CTNNA3: variants seen among roughly 807,000 people sequenced by gnomAD.
CTNNA3 encodes catenin alpha 3, also known as catenin alpha-3.
Under a neutral mutation model 95.7 loss-of-function variants are expected in CTNNA3, and 76 were observed. The ratio of observed to expected loss-of-function variants is 0.79; its 90% CI spans 0.66 to 0.96. CTNNA3 has a LOEUF of 0.96. CTNNA3 is among the 40% of genes least tolerant of loss of function. The pLI, the probability that CTNNA3 is intolerant of heterozygous loss-of-function variation, is 0.00. For synonymous variants in CTNNA3, 431 were observed against 374.4 expected (o/e 1.15, Z -1.74); for missense variants, 1,191 against 1,089.8 (o/e 1.09, Z -1.31).
At chr10:67,671,658 T>C (rs61869467) in intron 1 of CTNNA3, among the ~76,000 whole-genome samples, 1 of 151,710 alleles carries the variant, frequency 6.6e-6, no homozygotes, top group African/African-American at 2.4e-5. Flanking sequence ...TGGTTTCCAG[T>C]TTCATCCATG....
At chr10:66,539,858 A>G (rs1841787048) in intron 10 of CTNNA3, among the ~76,000 whole-genome samples, 1 of 152,160 alleles carries the variant, frequency 6.6e-6, no homozygotes, top group Non-Finnish European at 1.5e-5. Context: ...TGCATTATAG[A>G]AGAACCCCAG....
At chr10:67,421,330 C>T (rs572874120) in intron 5 of CTNNA3, among the ~76,000 whole-genome samples, 1 of 152,290 alleles carries the variant, frequency 6.6e-6, no homozygotes, top group Non-Finnish European at 1.5e-5. Context: ...GATTATAATT[C>T]CATGGATAAC....
intron 1 of CTNNA3, among the ~76,000 whole-genome samples, chr10:67,710,460 GA>G (rs1841101234): frequency 6.6e-6 from 1 of 152,162 alleles, no homozygotes; most frequent in Non-Finnish European, 1.5e-5. Flanking sequence ...ATGTGAGCTA[GA>G]AACCCAGGAT....
intron 11 of CTNNA3, among the ~76,000 whole-genome samples, chr10:66,389,064 T>C (rs1318223677): frequency 6.6e-6 from 1 of 152,154 alleles, no homozygotes; most frequent in Non-Finnish European, 1.5e-5. Context: ...TATGCCTAGC[T>C]ACACAGCCTT....
chr10:66,060,091 T>C (rs7099996), intron 15 of CTNNA3, among the ~76,000 whole-genome samples: 44,502 of 151,828 alleles, frequency 0.29, 7,027 homozygotes, highest in South Asian at 0.43. Context: ...TAGGTGATCA[T>C]AGAAGATATA....
intron 12 of CTNNA3, among the ~76,000 whole-genome samples, chr10:66,353,946 A>C (rs1242428594): frequency 6.6e-6 from 1 of 152,114 alleles, no homozygotes; most frequent in East Asian, 1.9e-4. Context: ...ATAGTGAGGA[A>C]AAATAATCAT....
intron 7 of CTNNA3, among the ~76,000 whole-genome samples, chr10:66,961,244 C>T (rs969331606): frequency 6.6e-6 from 1 of 151,982 alleles, no homozygotes; most frequent in African/African-American, 2.4e-5. Flanking sequence ...AGTCTCTGAT[C>T]TCCAGTTCAT....
chr10:66,907,390 C>T (rs1363833459), intron 7 of CTNNA3, among the ~76,000 whole-genome samples: 2 of 152,092 alleles, frequency 1.3e-5, no homozygotes, highest in African/African-American at 2.4e-5. Context: ...TAACTTTTCA[C>T]TTGAGCCTCT....
At position 67,750,832 on chromosome 10, in the gene CTNNA3, C is replaced by G. The variant is rs1841403067; in HGVS notation, c.-2+12602G>C. The G allele has an allele frequency of 1.9e-6, 3 of 1,610,750 alleles. No individual in the cohort carries two copies. The African/African-American group carries it at 4.0e-5, about 22-fold the overall frequency. ...ACTGAAATATAAACCAGTGACTAAC[C>G]AGGTTGAGTGTCACCCATACCTCAC... On this transcript the variant is annotated intron_variant, in intron 1 of 17. Coordinates refer to the CTNNA3 transcript ENST00000684154.
At chr10:66,031,597 CTA>C (rs2079450594) in intron 15 of CTNNA3, among the ~76,000 whole-genome samples, 1 of 152,132 alleles carries the variant, frequency 6.6e-6, no homozygotes, top group Non-Finnish European at 1.5e-5. Context: ...GGTTGAAAAA[CTA>C]TCTACTGGGT....
chr10:67,544,071 G>A (rs1166153010), intron 3 of CTNNA3, among the ~76,000 whole-genome samples: 1 of 152,212 alleles, frequency 6.6e-6, no homozygotes, highest in African/African-American at 2.4e-5. Flanking sequence ...AGCCACTGCT[G>A]TGTGGACCCA....
At chr10:66,103,048 G>T in intron 14 of CTNNA3, 109 bp downstream of exon 14, 1 of 819,712 alleles carries the variant, frequency 1.2e-6, no homozygotes, top group Non-Finnish European at 2.1e-6. Flanking sequence ...CACAGAACTA[G>T]CTCCAGATCC....
chr10:66,889,151 C>T (rs1346878589), intron 7 of CTNNA3, among the ~76,000 whole-genome samples: 1 of 152,144 alleles, frequency 6.6e-6, no homozygotes, highest in Non-Finnish European at 1.5e-5. Context: ...CCAACTATAA[C>T]GTTCTTGGAA....
At chr10:66,654,898 T>C (rs1450869716) in intron 9 of CTNNA3, among the ~76,000 whole-genome samples, 2 of 151,944 alleles carry the variant, frequency 1.3e-5, no homozygotes, top group Non-Finnish European at 2.9e-5. Flanking sequence ...AAGGTTGAAA[T>C]CATAGAAGCA....
intron 5 of CTNNA3, among the ~76,000 whole-genome samples, chr10:67,436,428 C>A (rs2132914798): frequency 6.6e-6 from 1 of 152,066 alleles, no homozygotes; most frequent in African/African-American, 2.4e-5. Flanking sequence ...ATTTCATTAC[C>A]AAGAACCCAA....
At chr10:67,433,630 G>T (rs1327650551) in intron 5 of CTNNA3, among the ~76,000 whole-genome samples, 1 of 152,112 alleles carries the variant, frequency 6.6e-6, no homozygotes, top group Non-Finnish European at 1.5e-5. Context: ...AACATTTACA[G>T]TAAGAATTCA....
Position 66,440,660 on chromosome 10 carries a change from T to C in CTNNA3, c.1532-61308A>G, listed in dbSNP as rs529477839. Reference sequence around the variant, plus strand: ...ACTATTCTTGTTTGAAACTTGAGAATAGGGTAGTAGTTAAAAGCATCAAAT... The same window carrying C: ...ACTATTCTTGTTTGAAACTTGAGAACAGGGTAGTAGTTAAAAGCATCAAAT... On this transcript the variant is annotated intron_variant, in intron 11 of 17. Coordinates refer to ENST00000433211, the MANE Select transcript of CTNNA3 (RefSeq NM_013266.4). Among the ~76,000 whole-genome samples, 20 of 152,266 alleles carry C rather than the reference T, an allele frequency of 1.3e-4. No individual in the cohort carries two copies. In the South Asian group the frequency reaches 3.7e-3, roughly 28 times the overall value.
intron 5 of CTNNA3, among the ~76,000 whole-genome samples, chr10:67,269,812 A>C (rs1838883832): frequency 6.6e-6 from 1 of 152,140 alleles, no homozygotes; most frequent in African/African-American, 2.4e-5. Context: ...TATATCAATA[A>C]ATGAGTGGAT....
intron 9 of CTNNA3, among the ~76,000 whole-genome samples, chr10:66,747,455 C>G (rs1361987763): frequency 6.6e-6 from 1 of 152,208 alleles, no homozygotes. Flanking sequence ...GTCACACTCT[C>G]ACTGCATCAC....
Sources: allele counts gnomAD v4.1 joint callset (sites outside exome capture counted in the v4.1 genomes callset), GRCh38; gene constraint gnomAD v4.1.1; transcripts MANE v1.5; gene names NCBI Gene and HGNC (gene_info 2026-07-23, HGNC 2026-07-21).